The following SAMD5 variants were observed in gnomAD, a reference collection of about 807,000 sequenced individuals.
The protein encoded by SAMD5 is sterile alpha motif domain-containing protein 5.
A neutral mutation model predicts 11.3 loss-of-function variants in SAMD5; 13 were observed. The ratio of observed to expected loss-of-function variants is 1.15; its 90% confidence interval spans 0.75 to 1.83. The LOEUF is 1.83. Ranked by LOEUF, SAMD5 falls within the 40% of genes most tolerant of loss-of-function variation. The pLI is 0.00. For synonymous variants in SAMD5, 129 were observed against 111.3 expected, an observed-to-expected ratio of 1.16 and a Z score of -1.00; for missense variants, 255 against 239.1, an observed-to-expected ratio of 1.07 and a Z score of -0.44.
intron 1 of SAMD5, among the ~76,000 whole-genome samples, chr6:147,688,157 T>A (rs561980888): frequency 6.6e-6 from 1 of 152,224 alleles, no homozygotes; most frequent in South Asian, 2.1e-4. Flanking sequence ...TTTTTTTTAG[T>A]TTTGAGTTCC....
At chr6:147,751,434 A>G in the SAMD5 span, among the ~76,000 whole-genome samples, 1 of 152,146 alleles carries the variant, frequency 6.6e-6, no homozygotes, top group Non-Finnish European at 1.5e-5. Context: ...CACCTTGAAC[A>G]GTTCCTGGTA....
chr6:147,671,872 C>G (rs1290357369), intron 1 of SAMD5, among the ~76,000 whole-genome samples: 1 of 135,788 alleles, frequency 7.4e-6, no homozygotes, highest in Non-Finnish European at 1.6e-5. Context: ...TGTTTCTTCT[C>G]ATTTTTCTTT....
rs928782799 is a variant in SAMD5, at chr6:147,730,205, T to C, written c.163-7112T>C. 8 of 393,382 alleles carry C rather than the reference T, an allele frequency of 2.0e-5. No individual in the cohort carries two copies. The Admixed American group carries it at 2.9e-4, about 14-fold the overall frequency. The allele number at this position is 393,382 out of a possible 1,614,324, so 24.4% of individuals were successfully genotyped here. On this transcript the variant is annotated intron_variant, in intron 1 of 1. Coordinates refer to the SAMD5 transcript ENST00000566741. The stretch of plus-strand genomic sequence containing the variant: ...GGGGGCATGCCTTTGGCTTTCACTC[T>C]TGTTGAAATTGGAAGACATCAGAAG...
At chr6:147,737,689 T>A (rs1791824272), downstream of SAMD5, 1 of 151,740 alleles carries the variant, frequency 6.6e-6, no homozygotes, top group Non-Finnish European at 1.4e-5. Context: ...TTTTTTTTTT[T>A]TTTTTTTTTT....
the SAMD5 span, among the ~76,000 whole-genome samples, chr6:147,909,560 T>TTTTC: frequency 0.065 from 5,056 of 77,774 alleles, 260 homozygotes; most frequent in Middle Eastern, 0.088. Flanking sequence ...CATCCATCTT[T>TTTTC]TTTCTTTCTT....
chr6:147,544,675 GT>G (rs1788658048), intron 1 of SAMD5, among the ~76,000 whole-genome samples: 1 of 152,136 alleles, frequency 6.6e-6, no homozygotes, highest in South Asian at 2.1e-4. Flanking sequence ...GGGATGGGAA[GT>G]GATGTACTGC....
chr6:147,626,367 C>G (rs1440856239), intron 1 of SAMD5, among the ~76,000 whole-genome samples: 1 of 151,750 alleles, frequency 6.6e-6, no homozygotes, highest in East Asian at 1.9e-4. Context: ...CTCAAAAATC[C>G]CAATTGCTTT....
intron 1 of SAMD5, among the ~76,000 whole-genome samples, chr6:147,546,091 T>C (rs1472603420): frequency 6.6e-6 from 1 of 152,212 alleles, no homozygotes; most frequent in African/African-American, 2.4e-5. Flanking sequence ...TGCTTATTTC[T>C]GGCTCCTGCG....
chr6:147,532,996 G>A (rs1394242406), intron 1 of SAMD5, among the ~76,000 whole-genome samples: 3 of 152,102 alleles, frequency 2.0e-5, no homozygotes, highest in African/African-American at 7.2e-5. Flanking sequence ...CTGAGATTCA[G>A]GGGAGTGGTG....
chr6:147,920,905 A>T, the SAMD5 span, among the ~76,000 whole-genome samples: 1 of 152,194 alleles, frequency 6.6e-6, no homozygotes, highest in East Asian at 1.9e-4. Context: ...TGCTTCTTTG[A>T]TTACCCATAG....
At chr6:147,844,103 G>A in the SAMD5 span, among the ~76,000 whole-genome samples, 1 of 151,910 alleles carries the variant, frequency 6.6e-6, no homozygotes, top group Non-Finnish European at 1.5e-5. Context: ...TCAGATAAGG[G>A]GCTAATATCC....
the SAMD5 span, among the ~76,000 whole-genome samples, chr6:147,795,334 C>G: frequency 7.0e-6 from 1 of 142,334 alleles, no homozygotes. Flanking sequence ...TTTGTCCTGG[C>G]GATAGTTTAC....
intron 1 of SAMD5, among the ~76,000 whole-genome samples, chr6:147,612,815 A>G (rs73582979): frequency 0.12 from 18,652 of 152,112 alleles, 2,989 homozygotes; most frequent in African/African-American, 0.37. Context: ...TTCATTTTAT[A>G]CTTGCTGTAG....
chr6:147,865,722 C>A, the SAMD5 span, among the ~76,000 whole-genome samples: 3 of 152,028 alleles, frequency 2.0e-5, no homozygotes, highest in African/African-American at 7.2e-5. Context: ...CAAAGCTGAG[C>A]CTTCAATGTC....
chr6:147,584,397 A>C (rs1789344825), intron 1 of SAMD5, among the ~76,000 whole-genome samples: 2 of 152,014 alleles, frequency 1.3e-5, no homozygotes, highest in Admixed American at 6.5e-5. Context: ...TGCTTCTGTC[A>C]CTCTTTGCCA....
intron 1 of SAMD5, among the ~76,000 whole-genome samples, chr6:147,519,050 C>G (rs913563507): frequency 6.6e-6 from 1 of 152,188 alleles, no homozygotes; most frequent in Non-Finnish European, 1.5e-5. Flanking sequence ...TCTCTAAAAT[C>G]TTACTGTTAC....
chr6:147,666,008 G>A (rs1583130928), intron 1 of SAMD5, among the ~76,000 whole-genome samples: 1 of 152,236 alleles, frequency 6.6e-6, no homozygotes, highest in South Asian at 2.1e-4. Context: ...GCGCAATCTC[G>A]GCTCACTGCA....
chr6:147,586,292 G>A (rs1789372753), intron 1 of SAMD5, among the ~76,000 whole-genome samples: 1 of 152,138 alleles, frequency 6.6e-6, no homozygotes, highest in South Asian at 2.1e-4. Flanking sequence ...TTGTCAGGGT[G>A]TGTGTATTTG....
intron 1 of SAMD5, among the ~76,000 whole-genome samples, chr6:147,577,615 A>T (rs556113864): frequency 2.0e-5 from 3 of 152,226 alleles, no homozygotes; most frequent in African/African-American, 7.2e-5. Flanking sequence ...TTCCAAGTAC[A>T]TTTGAAGAAT....
Sources: gnomAD v4.1 joint callset for allele counts (sites outside exome capture counted in the v4.1 genomes callset) on GRCh38, gnomAD v4.1.1 for gene constraint, MANE v1.5 for transcripts, NCBI Gene and HGNC (gene_info 2026-07-23, HGNC 2026-07-21) for gene names.